The following MECOM variants were observed in gnomAD, a reference collection of about 807,000 sequenced individuals.
The protein encoded by MECOM is histone-lysine N-methyltransferase MECOM.
MECOM carries 13 observed loss-of-function variants against 116.3 expected under a neutral mutation model. The ratio of observed to expected loss-of-function variants is 0.11; its 90% CI spans 0.07 to 0.18. The LOEUF (loss-of-function observed/expected upper bound fraction) is 0.18, where lower values mean the gene tolerates loss of function less well. Ranked by LOEUF, MECOM falls within the 10% of genes least tolerant of loss-of-function variation. The pLI is 1.00. For missense variants in MECOM, 1,299 were observed against 1,509.0 expected, an observed-to-expected ratio of 0.86 and a Z score of 2.31; for synonymous variants, 528 against 535.2, an observed-to-expected ratio of 0.99 and a Z score of 0.19.
intron 2 of MECOM, among the ~76,000 whole-genome samples, chr3:169,334,246 A>G (rs1333824577): frequency 2.6e-5 from 4 of 152,120 alleles, no homozygotes; most frequent in Non-Finnish European, 5.9e-5. Context: ...TCTGGAATCA[A>G]TTCTGCTGCT....
At chr3:169,366,441 C>T (rs562010257) in intron 2 of MECOM, among the ~76,000 whole-genome samples, 4 of 151,988 alleles carry the variant, frequency 2.6e-5, no homozygotes, top group Admixed American at 1.3e-4. Context: ...TGCTCCTACC[C>T]GTACAGTACA....
intron 12 of MECOM, among the ~76,000 whole-genome samples, chr3:169,096,963 CA>C (rs67419928): frequency 0.42 from 37,600 of 90,482 alleles, 4,944 homozygotes; most frequent in Non-Finnish European, 0.43. Flanking sequence ...ATTTTAGCCC[CA>C]GTTTTTTTTT....
At chr3:169,512,935 A>G (rs1177070953) in intron 1 of MECOM, among the ~76,000 whole-genome samples, 2 of 152,266 alleles carry the variant, frequency 1.3e-5, no homozygotes, top group Non-Finnish European at 2.9e-5. Context: ...GGCTGGGCAC[A>G]GACAGAAGCT....
At position 169,186,479 on chromosome 3, in the gene MECOM, A is replaced by G. The variant is rs115394939; in HGVS notation, c.376-42647T>C. On this transcript the variant is annotated intron_variant, in intron 2 of 16. Coordinates refer to ENST00000651503, the MANE Select transcript of MECOM (RefSeq NM_004991.4). ...TTAACTATTGGGTGACTTTGGTCATACATGTAATTTGTTAATCTATAAAGC... is the reference window on the plus strand; with the variant it reads ...TTAACTATTGGGTGACTTTGGTCATGCATGTAATTTGTTAATCTATAAAGC... Among the ~76,000 whole-genome samples, 872 of 151,916 alleles carry G rather than the reference A, an allele frequency of 5.7e-3. 11 individuals carry two copies. Among genetic ancestry groups the G allele is most frequent in the African/African-American group, 0.02 (842 of 41,430 alleles).
chr3:169,563,828 A>G (rs1034728073), intron 1 of MECOM, among the ~76,000 whole-genome samples: 1 of 152,160 alleles, frequency 6.6e-6, no homozygotes, highest in African/African-American at 2.4e-5. Flanking sequence ...CATAAGATTC[A>G]CCAGAATTAC....
chr3:169,306,729 C>T (rs1438288686), intron 2 of MECOM, among the ~76,000 whole-genome samples: 2 of 152,196 alleles, frequency 1.3e-5, no homozygotes, highest in Non-Finnish European at 2.9e-5. Context: ...CATGCACAGA[C>T]TCTGAGACAC....
chr3:169,303,672 T>C lies in MECOM; in HGVS notation c.375+77515A>G, dbSNP rs1717182233. 4.6e-5 allele frequency among the ~76,000 whole-genome samples: 7 copies of C among 152,218 alleles called. No homozygotes were observed. The South Asian group carries it at 1.2e-3, about 27-fold the overall frequency. On this transcript the variant is annotated intron_variant, in intron 2 of 16. Transcript: ENST00000651503. Reference sequence around the variant, plus strand: ...GTGAGTATCCAATCCTGATTTTGTCTAACCCTTTATTTTTTCAAATACTCA... The same window carrying C: ...GTGAGTATCCAATCCTGATTTTGTCCAACCCTTTATTTTTTCAAATACTCA...
chr3:169,576,550 T>C (rs1209881162), intron 1 of MECOM, among the ~76,000 whole-genome samples: 1 of 152,142 alleles, frequency 6.6e-6, no homozygotes, highest in South Asian at 2.1e-4. Context: ...TTCCCAACAT[T>C]CTGCAACAAT....
intron 1 of MECOM, among the ~76,000 whole-genome samples, chr3:169,533,378 C>T (rs151316976): frequency 6.6e-6 from 1 of 152,102 alleles, no homozygotes; most frequent in Non-Finnish European, 1.5e-5. Context: ...GGACTGTTGA[C>T]GGAAAATGTA....
chr3:169,616,622 G>A (rs879449047), intron 1 of MECOM, among the ~76,000 whole-genome samples: 1 of 152,178 alleles, frequency 6.6e-6, no homozygotes, highest in Non-Finnish European at 1.5e-5. Flanking sequence ...TTATAGGCAC[G>A]AGTCACTGCA....
At chr3:169,378,429 GAA>G (rs747640913) in intron 2 of MECOM, among the ~76,000 whole-genome samples, 2 of 75,882 alleles carry the variant, frequency 2.6e-5, no homozygotes, top group African/African-American at 1.8e-4. Flanking sequence ...AAGAAAGAAA[GAA>G]AGAAAGAAAG....
chr3:169,625,857 A>G lies in MECOM; in HGVS notation c.37+37479T>C, dbSNP rs186277432. Among the ~76,000 whole-genome samples, 309 of 152,360 alleles carry G rather than the reference A, an allele frequency of 2.0e-3. 1 individual carries two copies. The highest frequency in any genetic ancestry group is 6.8e-3 in the Middle Eastern group (2 of 294). ...AGAAATTATTCCCACATTAGGAGAGATGATCGGAAGTACAGATCCTACAGT... is the reference window on the plus strand; with the variant it reads ...AGAAATTATTCCCACATTAGGAGAGGTGATCGGAAGTACAGATCCTACAGT... On this transcript the variant is annotated intron_variant, in intron 1 of 16. Transcript: ENST00000651503.
intron 1 of MECOM, among the ~76,000 whole-genome samples, chr3:169,566,195 G>A (rs966233317): frequency 3.3e-5 from 5 of 152,134 alleles, no homozygotes; most frequent in Admixed American, 6.5e-5. Context: ...CTCCTCCCTC[G>A]ACAAGTAGGG....
intron 1 of MECOM, among the ~76,000 whole-genome samples, chr3:169,415,352 C>T (rs1738369859): frequency 6.6e-6 from 1 of 152,168 alleles, no homozygotes; most frequent in Admixed American, 6.5e-5. Context: ...TTGTCACCAC[C>T]AGGCCTGCCT....
intron 1 of MECOM, among the ~76,000 whole-genome samples, chr3:169,440,271 A>C (rs1743381928): frequency 6.6e-6 from 1 of 152,168 alleles, no homozygotes; most frequent in African/African-American, 2.4e-5. Flanking sequence ...ATAATAATTA[A>C]GAAAATTTTG....
intron 1 of MECOM, among the ~76,000 whole-genome samples, chr3:169,506,640 G>T (rs926223325): frequency 1.3e-5 from 2 of 152,008 alleles, no homozygotes; most frequent in African/African-American, 4.8e-5. Context: ...TCTTCCAGGG[G>T]TTATATATTT....
chr3:169,165,843 G>C (rs1428830839), intron 2 of MECOM, among the ~76,000 whole-genome samples: 3 of 152,130 alleles, frequency 2.0e-5, no homozygotes, highest in Non-Finnish European at 4.4e-5. Context: ...GTTAAAATAT[G>C]CTGGGTTATT....
chr3:169,097,427 C>T (rs1170693028), intron 12 of MECOM, among the ~76,000 whole-genome samples: 1 of 152,024 alleles, frequency 6.6e-6, no homozygotes, highest in Non-Finnish European at 1.5e-5. Context: ...AAAACGAACA[C>T]ATAACACAGT....
chr3:169,359,957 A>G (rs376191667), intron 2 of MECOM, among the ~76,000 whole-genome samples: 44 of 151,846 alleles, frequency 2.9e-4, no homozygotes, highest in East Asian at 7.8e-4. Context: ...AGACATTAAC[A>G]TTCAGTCTTA....
Sources: allele counts gnomAD v4.1 joint callset (sites outside exome capture counted in the v4.1 genomes callset), GRCh38; gene constraint gnomAD v4.1.1; transcripts MANE v1.5; gene names NCBI Gene and HGNC (gene_info 2026-07-23, HGNC 2026-07-21).